CRACR2A: variants seen among roughly 807,000 people sequenced by gnomAD.
The protein encoded by CRACR2A is calcium release activated channel regulator 2A.
CRACR2A carries 79 observed loss-of-function variants against 90.5 expected under a neutral mutation model. The ratio of observed to expected loss-of-function variants is 0.87; its 90% CI spans 0.73 to 1.05. The LOEUF (loss-of-function observed/expected upper bound fraction) is 1.05. CRACR2A is among the 50% of genes least tolerant of loss of function. CRACR2A has a pLI of 0.00. For missense variants in CRACR2A, 823 were observed against 897.2 expected (o/e 0.92, Z 1.06); for synonymous variants, 338 against 356.7 (o/e 0.95, Z 0.59).
At chr12:3,634,397 T>G (rs912571782) in intron 14 of CRACR2A, among the ~76,000 whole-genome samples, 2 of 152,148 alleles carry the variant, frequency 1.3e-5, no homozygotes, top group Non-Finnish European at 2.9e-5. Context: ...TGGGAAATGC[T>G]AGGCTGCTGG....
At chr12:3,650,382 T>C (rs987372689) in intron 10 of CRACR2A, among the ~76,000 whole-genome samples, 1 of 152,350 alleles carries the variant, frequency 6.6e-6, no homozygotes, top group Non-Finnish European at 1.5e-5. Flanking sequence ...AAATTCTAAG[T>C]TCAACTCAGA....
intron 15 of CRACR2A, among the ~76,000 whole-genome samples, chr12:3,628,577 C>T (rs1394642741): frequency 6.6e-6 from 1 of 152,198 alleles, no homozygotes; most frequent in Non-Finnish European, 1.5e-5. Context: ...GTGCATTCTG[C>T]ATCCCACAGC....
intron 4 of CRACR2A, among the ~76,000 whole-genome samples, chr12:3,690,026 TG>T (rs1945626658): frequency 6.6e-6 from 1 of 152,120 alleles, no homozygotes; most frequent in Non-Finnish European, 1.5e-5. Context: ...TGTGTTTATT[TG>T]GAGCTTCTCT....
chr12:3,673,640 C>G, intron 6 of CRACR2A, 48 bp from the exon 7 acceptor site: 1 of 1,595,686 alleles, frequency 6.3e-7, no homozygotes, highest in Non-Finnish European at 8.5e-7. Context: ...TGAGGCTTCA[C>G]GGGAAATACA....
intron 1 of CRACR2A, among the ~76,000 whole-genome samples, chr12:3,749,739 A>G (rs983889680): frequency 6.6e-6 from 1 of 152,048 alleles, no homozygotes; most frequent in African/African-American, 2.4e-5. Context: ...AATGACCAAT[A>G]GATGGATGAG....
At chr12:3,656,098 AC>A (rs1202819790) in intron 9 of CRACR2A, among the ~76,000 whole-genome samples, 1 of 152,190 alleles carries the variant, frequency 6.6e-6, no homozygotes, top group Non-Finnish European at 1.5e-5. Flanking sequence ...ATGCTCGGCA[AC>A]TTTTCCAAGT....
chr12:3,738,635 G>C (rs1946482947), intron 1 of CRACR2A, among the ~76,000 whole-genome samples: 1 of 152,102 alleles, frequency 6.6e-6, no homozygotes. Context: ...GAGAACTTAA[G>C]AGACATGAAA....
chr12:3,748,479 A>T (rs1197703101), intron 1 of CRACR2A, among the ~76,000 whole-genome samples: 1 of 152,158 alleles, frequency 6.6e-6, no homozygotes, highest in Non-Finnish European at 1.5e-5. Context: ...GGGAGCCAAA[A>T]CACACCGACA....
At chr12:3,618,474 C>T (rs148352407) in intron 18 of CRACR2A, among the ~76,000 whole-genome samples, 24 of 152,268 alleles carry the variant, frequency 1.6e-4, no homozygotes, top group African/African-American at 4.3e-4. Context: ...TTTTGGATTT[C>T]GGAATTGTGG....
At chr12:3,693,657 G>A (rs1418789053) in intron 4 of CRACR2A, among the ~76,000 whole-genome samples, 2 of 152,146 alleles carry the variant, frequency 1.3e-5, no homozygotes, top group East Asian at 3.9e-4. Flanking sequence ...CTGGCTTGTA[G>A]GGTTTCTACT....
At chr12:3,630,510 A>G (rs1343737329) in intron 15 of CRACR2A, among the ~76,000 whole-genome samples, 1 of 152,180 alleles carries the variant, frequency 6.6e-6, no homozygotes, top group African/African-American at 2.4e-5. Flanking sequence ...TCTTCCAGAA[A>G]CAGCTTCTGG....
chr12:3,718,137 G>A (rs1316838154), intron 2 of CRACR2A, among the ~76,000 whole-genome samples: 2 of 152,182 alleles, frequency 1.3e-5, no homozygotes, highest in Non-Finnish European at 2.9e-5. Context: ...AAGATACACA[G>A]CACACAGAAA....
chr12:3,698,643 C>A (rs779102200), intron 3 of CRACR2A, among the ~76,000 whole-genome samples: 2 of 152,194 alleles, frequency 1.3e-5, no homozygotes, highest in Non-Finnish European at 2.9e-5. Flanking sequence ...AGGAAATGTT[C>A]TTTCTCGTCA....
At chr12:3,661,891 T>C (rs1439764178) in intron 7 of CRACR2A, among the ~76,000 whole-genome samples, 2 of 152,244 alleles carry the variant, frequency 1.3e-5, no homozygotes, top group Non-Finnish European at 2.9e-5. Context: ...CGGCTTACTA[T>C]TTATTTCTAA....
At position 3,643,848 on chromosome 12, in the gene CRACR2A, T is replaced by TAA. The variant is rs1565470977; in HGVS notation, c.1164+746_1164+747insTT. Among the ~76,000 whole-genome samples the TAA allele has an allele frequency of 1.8e-4, 11 of 61,430 alleles. No individual in the cohort carries two copies. In the East Asian group the frequency reaches 3.5e-3, roughly 20 times the overall value. The allele number at this position is 61,430 out of a possible 152,430, so 40.3% of individuals were successfully genotyped here. On this transcript the variant is annotated intron_variant, in intron 12 of 19. Coordinates refer to ENST00000440314, the MANE Select transcript of CRACR2A (RefSeq NM_001144958.2). ...TATATATAAATATATATAATATATATTATATATTTATATTATATATATTAT... is the reference window on the plus strand; with the variant it reads ...TATATATAAATATATATAATATATATAATATATATTTATATTATATATATTAT...
intron 14 of CRACR2A, among the ~76,000 whole-genome samples, chr12:3,634,365 C>T (rs572010341): frequency 1.3e-5 from 2 of 152,246 alleles, no homozygotes; most frequent in South Asian, 2.1e-4. Context: ...AACTGAGGCA[C>T]GAGGGTCTCC....
intron 2 of CRACR2A, among the ~76,000 whole-genome samples, chr12:3,724,145 C>T (rs545113279): frequency 1.3e-5 from 2 of 152,252 alleles, no homozygotes; most frequent in African/African-American, 2.4e-5. Flanking sequence ...TGTCAGGCGG[C>T]GTTTAATTGC....
intron 15 of CRACR2A, among the ~76,000 whole-genome samples, chr12:3,629,528 A>G (rs1482858059): frequency 6.6e-6 from 1 of 152,188 alleles, no homozygotes; most frequent in Admixed American, 6.5e-5. Flanking sequence ...CAGATCCGAA[A>G]CCAGCCAGTG....
At chr12:3,719,327 C>G (rs528472832) in intron 2 of CRACR2A, among the ~76,000 whole-genome samples, 1 of 152,322 alleles carries the variant, frequency 6.6e-6, no homozygotes, top group East Asian at 1.9e-4. Context: ...GTCACTTGGC[C>G]TCCTTGGGCC....
Sources: gnomAD v4.1 joint callset for allele counts (sites outside exome capture counted in the v4.1 genomes callset) on GRCh38, gnomAD v4.1.1 for gene constraint, MANE v1.5 for transcripts, NCBI Gene and HGNC (gene_info 2026-07-23, HGNC 2026-07-21) for gene names.